Variants in ITFG1 observed in about 807,000 individuals in gnomAD.
The protein encoded by ITFG1 is integrin alpha FG-GAP repeat containing 1, also known as T-cell immunomodulatory protein.
A neutral mutation model predicts 81.8 loss-of-function variants in ITFG1; 34 were observed. The ratio of observed to expected loss-of-function variants is 0.42; its 90% confidence interval spans 0.32 to 0.55. ITFG1 has a LOEUF of 0.55. Ranked by LOEUF, ITFG1 falls within the 20% of genes least tolerant of loss-of-function variation. ITFG1 has a pLI of 0.17. For missense variants in ITFG1, 672 were observed against 755.4 expected (o/e 0.89, Z 1.29); for synonymous variants, 285 against 270.6 (o/e 1.05, Z -0.52).
chr16:47,347,992 C>G (rs760176346), intron 8 of ITFG1, among the ~76,000 whole-genome samples: 2 of 152,198 alleles, frequency 1.3e-5, no homozygotes, highest in East Asian at 1.9e-4. Flanking sequence ...AGACCTGCAG[C>G]TGAGGGTCCA....
At chr16:47,326,385 C>G (rs1366313143) in intron 8 of ITFG1, among the ~76,000 whole-genome samples, 2 of 152,144 alleles carry the variant, frequency 1.3e-5, no homozygotes, top group East Asian at 3.8e-4. Flanking sequence ...TGGACAAAAA[C>G]TGGAAGCATT....
intron 8 of ITFG1, among the ~76,000 whole-genome samples, chr16:47,326,543 T>C (rs1404532212): frequency 6.6e-6 from 1 of 152,208 alleles, no homozygotes; most frequent in African/African-American, 2.4e-5. Context: ...TGTCCCTGTT[T>C]GCAGATGACA....
At chr16:47,304,200 C>G (rs1207247973) in intron 10 of ITFG1, among the ~76,000 whole-genome samples, 1 of 152,100 alleles carries the variant, frequency 6.6e-6, no homozygotes, top group African/African-American at 2.4e-5. Context: ...TGTCACAGAT[C>G]TCTTGGAATT....
intron 5 of ITFG1, among the ~76,000 whole-genome samples, chr16:47,432,141 A>C (rs1291705701): frequency 6.6e-6 from 1 of 152,222 alleles, no homozygotes; most frequent in East Asian, 1.9e-4. Context: ...ATGTCAGTGA[A>C]TGCCGGCTAG....
At chr16:47,160,152 A>G (rs540995409) in intron 16 of ITFG1, among the ~76,000 whole-genome samples, 1 of 151,740 alleles carries the variant, frequency 6.6e-6, no homozygotes, top group East Asian at 1.9e-4. Flanking sequence ...CTTTTAAAAT[A>G]GATTTTTAAC....
chr16:47,351,034 T>C (rs1967945683), intron 8 of ITFG1, among the ~76,000 whole-genome samples: 1 of 152,136 alleles, frequency 6.6e-6, no homozygotes. Context: ...AAACTCTCAA[T>C]AAACTAGGTA....
At chr16:47,277,838 G>A (rs1270959052) in intron 10 of ITFG1, among the ~76,000 whole-genome samples, 2 of 152,140 alleles carry the variant, frequency 1.3e-5, no homozygotes, top group Non-Finnish European at 2.9e-5. Context: ...ATTCTGTAAG[G>A]AGATGGCTGT....
chr16:47,384,202 C>A (rs748953917), intron 6 of ITFG1, among the ~76,000 whole-genome samples: 1 of 152,200 alleles, frequency 6.6e-6, no homozygotes, highest in Non-Finnish European at 1.5e-5. Flanking sequence ...TTGCTGGTCT[C>A]TCTAATAACT....
intron 8 of ITFG1, among the ~76,000 whole-genome samples, chr16:47,321,075 A>G (rs1967441243): frequency 6.6e-6 from 1 of 152,262 alleles, no homozygotes; most frequent in African/African-American, 2.4e-5. Context: ...ACATGGCATG[A>G]CAGCTAACAC....
Position 47,154,567 on chromosome 16 carries a change from T to C in ITFG1, c.*1152A>G, listed in dbSNP as rs933751180. 3 of 152,228 alleles carry C rather than the reference T, an allele frequency of 2.0e-5. No individual in the cohort carries two copies. The highest frequency in any genetic ancestry group is 2.9e-5 in the Non-Finnish European group (2 of 68,040). 9.4% of individuals were successfully genotyped at this position (152,228 alleles called of 1,614,324 possible). On this transcript the variant is annotated 3_prime_UTR_variant, in exon 18 of 18. Coordinates refer to ENST00000320640, the MANE Select transcript of ITFG1 (RefSeq NM_030790.5). ...TTGCATACTAGAAAATTATTAGCAT[T>C]GATAAACTTTTTTTTTTCAGTCTTA...
intron 5 of ITFG1, among the ~76,000 whole-genome samples, chr16:47,437,975 C>T (rs1460723330): frequency 6.6e-6 from 1 of 152,216 alleles, no homozygotes; most frequent in Non-Finnish European, 1.5e-5. Flanking sequence ...AAACGGGTCA[C>T]TCCCACCCTA....
chr16:47,293,027 TATATATATATG>T (rs1966928279), intron 10 of ITFG1, among the ~76,000 whole-genome samples: 1 of 149,134 alleles, frequency 6.7e-6, no homozygotes, highest in African/African-American at 2.4e-5. Context: ...GCTCTCTCTC[TATATATATATG>T]ATATATATAT....
At chr16:47,250,579 A>G (rs16954073) in intron 12 of ITFG1, among the ~76,000 whole-genome samples, 6,950 of 152,320 alleles carry the variant, frequency 0.046, 205 homozygotes, top group Non-Finnish European at 0.073. Flanking sequence ...TAAACAAGGA[A>G]TTAAAAAACA....
At chr16:47,224,393 T>A (rs1965733540) in intron 13 of ITFG1, among the ~76,000 whole-genome samples, 1 of 152,152 alleles carries the variant, frequency 6.6e-6, no homozygotes, top group South Asian at 2.1e-4. Flanking sequence ...AATCTAGAAG[T>A]CCATGAACAT....
chr16:47,281,676 G>C (rs966565128), intron 10 of ITFG1, among the ~76,000 whole-genome samples: 4 of 152,058 alleles, frequency 2.6e-5, no homozygotes, highest in Admixed American at 1.3e-4. Flanking sequence ...GTTGTTCATT[G>C]CAACAACACT....
chr16:47,439,346 T>C (rs547214601), intron 5 of ITFG1, among the ~76,000 whole-genome samples: 7 of 152,170 alleles, frequency 4.6e-5, no homozygotes, highest in African/African-American at 1.7e-4. Flanking sequence ...ACCACAAAGA[T>C]ACTCCTCGAG....
At chr16:47,427,901 A>G (rs926442857) in intron 6 of ITFG1, among the ~76,000 whole-genome samples, 1 of 152,238 alleles carries the variant, frequency 6.6e-6, no homozygotes, top group Non-Finnish European at 1.5e-5. Flanking sequence ...TGGGAAGCCA[A>G]TGTGGGTGGA....
At chr16:47,337,144 AAAAAAAAAAGAAAAAG>A (rs1224360313) in intron 8 of ITFG1, among the ~76,000 whole-genome samples, 2 of 150,672 alleles carry the variant, frequency 1.3e-5, no homozygotes, top group Non-Finnish European at 3.0e-5. Context: ...TCTCAAAAAA[AAAAAAAAAAGAAAAAG>A]AAAAAAAAAG....
chr16:47,421,231 T>C (rs1048581008), intron 6 of ITFG1, among the ~76,000 whole-genome samples: 2 of 151,362 alleles, frequency 1.3e-5, no homozygotes, highest in Admixed American at 6.6e-5. Context: ...TGTGTGTGTG[T>C]ATATATATGT....
Sources: gnomAD v4.1 joint callset for allele counts (sites outside exome capture counted in the v4.1 genomes callset) on GRCh38, gnomAD v4.1.1 for gene constraint, MANE v1.5 for transcripts, NCBI Gene and HGNC (gene_info 2026-07-23, HGNC 2026-07-21) for gene names.